The following ABCF1 variants were observed in gnomAD, a reference collection of about 807,000 sequenced individuals.
ABCF1 encodes the protein ATP-binding cassette sub-family F member 1.
Under a neutral mutation model 126.3 loss-of-function variants are expected in ABCF1, and 73 were observed. The observed-to-expected ratio is 0.58, with a 90% CI of 0.48 to 0.70. The LOEUF is 0.70. Ranked by LOEUF, ABCF1 falls within the 30% of genes least tolerant of loss-of-function variation. ABCF1 has a pLI of 0.00. For synonymous variants in ABCF1, 345 were observed against 396.4 expected (o/e 0.87, Z 1.54); for missense variants, 786 against 1,057.5 (o/e 0.74, Z 3.56).
chr6:30,582,395 G>T lies in ABCF1; in HGVS notation c.680G>T (p.Gly227Val). ...GKEKAKKAEQGSEEEGEGEEE... is the reference protein window; with the variant it reads ...GKEKAKKAEQVSEEEGEGEEE... ...TTGACCATCCCCGGGTTCTCACAGGGTTCAGAGGAAGAAGGAGAAGGGGAA... is the reference window on the plus strand; with the variant it reads ...TTGACCATCCCCGGGTTCTCACAGGTTTCAGAGGAAGAAGGAGAAGGGGAA... Residue 227 changes from glycine to valine, a missense_variant and splice_region_variant, in exon 9 of 25, where the codon GGT becomes GTT. By Grantham distance (109) the Gly-to-Val change is moderately radical. This residue lies in a region of ABCF1 where 322 missense variants were observed against 322.9 expected (regional missense o/e 1.00). Transcript: ENST00000326195. 6.3e-7 allele frequency: 1 copy of T among 1,595,082 alleles called. No homozygotes were observed. Among genetic ancestry groups the T allele is most frequent in the Non-Finnish European group, 8.6e-7 (1 of 1,165,036 alleles).
At position 30,583,509 on chromosome 6, in the gene ABCF1, A is replaced by G. The variant is rs1264440; in HGVS notation, c.916-99A>G. ...TATGCTGGAGGTAGCGGTTTGTCAG[A>G]GGCTTCCCTGCAGGGAGAAAGTGGC... is the stretch of plus-strand genomic sequence containing the variant. On this transcript the variant is annotated intron_variant, in intron 10 of 24. Coordinates refer to ENST00000326195, the MANE Select transcript of ABCF1 (RefSeq NM_001025091.2). This position sits in a 1 kb window ranked among gnomAD's most constrained non-coding sequence, Gnocchi z 4.1. 0.69 allele frequency: 879,381 copies of G among 1,276,494 alleles called. 305,328 individuals are homozygous for G. The highest frequency in any genetic ancestry group is 0.84 in the South Asian group (67,020 of 79,450). The allele number at this position is 1,276,494 out of a possible 1,614,324, so 79.1% of individuals were successfully genotyped here.
Position 30,580,451 on chromosome 6 carries a change from G to A in ABCF1, c.610G>A (p.Glu204Lys), listed in dbSNP as rs1254806317. The A allele has an allele frequency of 6.5e-7, 1 of 1,534,094 alleles. No homozygotes were observed. Among genetic ancestry groups the A allele is most frequent in the African/African-American group, 1.5e-5 (1 of 68,890 alleles). Residue 204 changes from glutamate (E) to lysine (K), a missense_variant, in exon 8 of 25, where the codon GAA becomes AAA. Coordinates refer to ENST00000326195, the MANE Select transcript of ABCF1 (RefSeq NM_001025091.2). ...TCTGGACAATGAAGAGGAGGATAAA[G>A]AAGAAGAAATTATAAAGGAAAAGGA... The part of the protein sequence containing the change: ...AALDNEEEDK[E>K]EEIIKEKEPP...
At chr6:30,582,197 C>T (rs1181390751) in intron 8 of ABCF1, among the ~76,000 whole-genome samples, 197 bp from the exon 9 acceptor site, 3 of 152,050 alleles carry the variant, frequency 2.0e-5, no homozygotes, top group Non-Finnish European at 4.4e-5. Flanking sequence ...GCTGGGACTA[C>T]AGGCGCCCGC....
rs538630992 is a variant in ABCF1, at chr6:30,587,340, C to T, written c.2031+629C>T. Among the ~76,000 whole-genome samples the T allele has an allele frequency of 2.4e-3, 362 of 152,052 alleles. 3 individuals carry two copies. Among genetic ancestry groups the T allele is most frequent in the African/African-American group, 6.4e-3 (266 of 41,452 alleles). ...GGCTGAGGCAGGCAGATCACTTGAGCTTAGGAGTTAAAAACCAGCCTGAGC... is the reference window on the plus strand; with the variant it reads ...GGCTGAGGCAGGCAGATCACTTGAGTTTAGGAGTTAAAAACCAGCCTGAGC... On this transcript the variant is annotated intron_variant, in intron 20 of 24. Coordinates refer to ENST00000326195, the MANE Select transcript of ABCF1 (RefSeq NM_001025091.2).
In ABCF1 at chr6:30,591,518, C is replaced by T. The variant is rs984672872; in HGVS notation, c.*817C>T. On this transcript the variant is annotated 3_prime_UTR_variant, in exon 25 of 25. Transcript: ENST00000326195. ...CAAGGAAAAAGCAAAGTGATTCATA[C>T]CTTCTATCTTGGAACATGGGTCTCT... is the stretch of plus-strand genomic sequence containing the variant. The T allele has an allele frequency of 6.7e-6, 1 of 150,336 alleles. No homozygotes were observed. The highest frequency in any genetic ancestry group is 2.5e-5 in the African/African-American group (1 of 40,780). 9.3% of individuals were successfully genotyped at this position (150,336 alleles called of 1,614,324 possible).
In ABCF1 at chr6:30,590,988, G is replaced by A. The variant is rs148290532; in HGVS notation, c.*287G>A. The A allele has an allele frequency of 1.3e-5, 5 of 380,574 alleles. No individual in the cohort carries two copies. In the South Asian group the frequency reaches 3.0e-4, roughly 23 times the overall value. 23.6% of individuals were successfully genotyped at this position (380,574 alleles called of 1,614,324 possible). ...CCACCTTATTGTGAGGTTCCATCCA[G>A]CCAAGTTTATGTGGCCTATTGTCTC... On this transcript the variant is annotated 3_prime_UTR_variant, in exon 25 of 25. Coordinates refer to ENST00000326195, the MANE Select transcript of ABCF1 (RefSeq NM_001025091.2).
At chr6:30,578,031 A>G in intron 3 of ABCF1, 45 bp from the exon 4 acceptor site, 2 of 1,613,906 alleles carry the variant, frequency 1.2e-6, no homozygotes, top group South Asian at 1.1e-5. Context: ...GAAATACAGC[A>G]GGGGCCTGGG....
chr6:30,577,345 AG>A, intron 1 of ABCF1, 63 bp from the exon 2 acceptor site: 1 of 1,506,538 alleles, frequency 6.6e-7, no homozygotes, highest in Non-Finnish European at 9.2e-7. Context: ...AGATCTTTGC[AG>A]GGGGGATCAG....
intron 1 of ABCF1, among the ~76,000 whole-genome samples, chr6:30,571,899 T>G (rs939181218): frequency 2.0e-5 from 3 of 152,104 alleles, no homozygotes; most frequent in African/African-American, 7.2e-5. Context: ...CAGGAATATA[T>G]GAGCCCTGCC....
intron 1 of ABCF1, among the ~76,000 whole-genome samples, chr6:30,575,106 G>A (rs1210015952): frequency 7.4e-6 from 1 of 135,558 alleles, no homozygotes; most frequent in African/African-American, 2.8e-5. Context: ...GTCTCGCTGT[G>A]TCACCCAGGC....
chr6:30,590,037 C>T (rs1388746514), intron 22 of ABCF1, 63 bp downstream of exon 22: 1 of 1,605,798 alleles, frequency 6.2e-7, no homozygotes, highest in Non-Finnish European at 8.5e-7. Context: ...CAAACTGTAC[C>T]TAGAGGAACC....
Position 30,586,068 on chromosome 6 carries a change from G to A in ABCF1, c.1714-66G>A, listed in dbSNP as rs958936287. On this transcript the variant is annotated intron_variant, in intron 17 of 24. Coordinates refer to ENST00000326195, the MANE Select transcript of ABCF1 (RefSeq NM_001025091.2). The surrounding 1 kb of genome is among the most constrained non-coding windows in gnomAD (Gnocchi z 4.9). ...TGGAGGAAGAAGGAGACTCTGGAAC[G>A]CTGGCCTACATTTCAAGGACTGCCG... is the stretch of plus-strand genomic sequence containing the variant. The A allele has an allele frequency of 6.9e-6, 11 of 1,591,942 alleles. No homozygotes were observed. Among genetic ancestry groups the A allele is most frequent in the Middle Eastern group, 1.7e-4 (1 of 5,970 alleles).
intron 1 of ABCF1, among the ~76,000 whole-genome samples, chr6:30,576,698 A>G (rs2127405410): frequency 6.6e-6 from 1 of 152,180 alleles, no homozygotes; most frequent in East Asian, 1.9e-4. Flanking sequence ...ATTTCCCACT[A>G]TGCTTATTCC....
Position 30,582,459 on chromosome 6 carries a change from T to A in ABCF1, c.744T>A (p.Asp248Glu), listed in dbSNP as rs1238708408. ...EEEGGESKAD[D>E]PYAHLSKKEK... The stretch of plus-strand genomic sequence containing the variant: ...AAGGAGGAGAGTCTAAGGCAGATGA[T>A]CCCTATGCTCATCTTAGCAAAAAGG... The change falls in exon 9 of 25, where the codon GAT becomes GAA. Residue 248 changes from aspartate to glutamate, a missense_variant. Asp to Glu is a conservative substitution (Grantham distance 45). Coordinates refer to ENST00000326195, the MANE Select transcript of ABCF1 (RefSeq NM_001025091.2). The A allele has an allele frequency of 6.2e-7, 1 of 1,612,848 alleles. No homozygotes were observed. The highest frequency in any genetic ancestry group is 8.5e-7 in the Non-Finnish European group (1 of 1,179,952).
At chr6:30,579,739 A>G (rs1582579636) in intron 6 of ABCF1, among the ~76,000 whole-genome samples, 192 bp from the exon 7 acceptor site, 1 of 152,060 alleles carries the variant, frequency 6.6e-6, no homozygotes, top group East Asian at 1.9e-4. Context: ...TACAGGTGTG[A>G]GCCACCACGC....
At chr6:30,573,982 T>C (rs1055560012) in intron 1 of ABCF1, among the ~76,000 whole-genome samples, 2 of 152,182 alleles carry the variant, frequency 1.3e-5, no homozygotes, top group South Asian at 2.1e-4. Flanking sequence ...GCTTAAGCGA[T>C]ATACGAAAGG....
intron 15 of ABCF1, 73 bp from the exon 16 acceptor site, chr6:30,585,485 T>A: frequency 6.2e-7 from 1 of 1,602,034 alleles, no homozygotes; most frequent in Non-Finnish European, 8.5e-7. Flanking sequence ...CAGCCCCCGT[T>A]GTCTGCCTGC....
chr6:30,585,804 C>A, intron 16 of ABCF1, 75 bp from the exon 17 acceptor site: 1 of 1,554,642 alleles, frequency 6.4e-7, no homozygotes, highest in Non-Finnish European at 8.8e-7. Flanking sequence ...CCTACCCCAT[C>A]ACCACCAGTC....
chr6:30,573,218 G>A (rs140415970), intron 1 of ABCF1, among the ~76,000 whole-genome samples: 2 of 152,288 alleles, frequency 1.3e-5, no homozygotes, highest in African/African-American at 2.4e-5. Context: ...GGCATTGATC[G>A]GAACTGAGAA....
Sources: allele counts gnomAD v4.1 joint callset (sites outside exome capture counted in the v4.1 genomes callset), GRCh38; gene constraint gnomAD v4.1.1; regional missense constraint gnomAD v4.1.1; non-coding constraint Gnocchi (gnomAD v3.1); transcripts MANE v1.5; gene names NCBI Gene and HGNC (gene_info 2026-07-23, HGNC 2026-07-21).